Variants in NPFFR2 observed in about 807,000 individuals in gnomAD.
The protein encoded by NPFFR2 is neuropeptide FF receptor 2, also known as G-protein coupled receptor 74.
In NPFFR2, 15 loss-of-function variants were observed where a neutral mutation model predicts 13.1. That is an observed-to-expected ratio of 1.15 (90% CI 0.77 to 1.76). NPFFR2 has a LOEUF of 1.76. NPFFR2 is among the 40% of genes most tolerant of loss of function. The pLI is 0.00. For synonymous variants in NPFFR2, 190 were observed against 175.7 expected, an observed-to-expected ratio of 1.08 and a Z score of -0.65; for missense variants, 572 against 503.5, an observed-to-expected ratio of 1.14 and a Z score of -1.30.
intron 3 of NPFFR2, 104 bp downstream of exon 3, chr4:72,138,243 G>A (rs1000662406): frequency 9.8e-6 from 7 of 711,386 alleles, no homozygotes; most frequent in Non-Finnish European, 1.7e-5. Context: ...TTTTCAAATT[G>A]TATTCACAAT....
At chr4:72,064,570 T>C (rs1383764574) in intron 1 of NPFFR2, among the ~76,000 whole-genome samples, 1 of 152,144 alleles carries the variant, frequency 6.6e-6, no homozygotes, top group Non-Finnish European at 1.5e-5. Flanking sequence ...CAACCCACTC[T>C]TAAGGAAGTG....
intron 1 of NPFFR2, among the ~76,000 whole-genome samples, chr4:72,085,585 T>G (rs373422270): frequency 2.6e-4 from 40 of 152,296 alleles, no homozygotes; most frequent in African/African-American, 9.1e-4. Flanking sequence ...CCTAGGCAAA[T>G]GGTATTCTAC....
At chr4:72,142,857 T>C (rs1424854456) in intron 3 of NPFFR2, among the ~76,000 whole-genome samples, 4 of 152,208 alleles carry the variant, frequency 2.6e-5, no homozygotes, top group Non-Finnish European at 4.4e-5. Flanking sequence ...TGGTAACATC[T>C]AAAACAAATT....
At position 72,147,458 on chromosome 4, in the gene NPFFR2, T is replaced by G. The variant is rs757930202; in HGVS notation, c.909T>G (p.Ser303=). 1.9e-6 allele frequency: 3 copies of G among 1,614,158 alleles called. No homozygotes were observed. Among genetic ancestry groups the G allele is most frequent in the Non-Finnish European group, 8.5e-7 (1 of 1,180,022 alleles). Residue 303 remains serine, a synonymous_variant, in exon 4 of 4, where the codon TCT becomes TCG. Transcript: ENST00000308744. ...LMMLSDYADL[S]PNELQIINIY... is the part of the protein sequence containing the mutation. ...TGCTCTCAGACTACGCTGACCTTTC[T>G]CCAAATGAACTGCAGATCATCAACA...
intron 1 of NPFFR2, among the ~76,000 whole-genome samples, chr4:72,090,117 G>A (rs1000453084): frequency 1.3e-4 from 19 of 151,936 alleles, no homozygotes; most frequent in Non-Finnish European, 2.4e-4. Context: ...TTGCTTTGTC[G>A]AAGACCAGTT....
intron 1 of NPFFR2, among the ~76,000 whole-genome samples, chr4:72,048,896 G>A (rs1719462859): frequency 6.6e-6 from 1 of 151,980 alleles, no homozygotes; most frequent in African/African-American, 2.4e-5. Context: ...ACAGTGAGGG[G>A]TCAGGTTTCT....
At chr4:72,079,884 A>G (rs1392231784) in intron 1 of NPFFR2, among the ~76,000 whole-genome samples, 1 of 152,158 alleles carries the variant, frequency 6.6e-6, no homozygotes, top group Non-Finnish European at 1.5e-5. Context: ...TGATTGTCAG[A>G]TTTTACTTGT....
At chr4:72,046,611 G>T (rs1719389763) in intron 1 of NPFFR2, among the ~76,000 whole-genome samples, 1 of 152,136 alleles carries the variant, frequency 6.6e-6, no homozygotes, top group Non-Finnish European at 1.5e-5. Flanking sequence ...ATACTGAAAA[G>T]TGAGGCTGTC....
chr4:72,045,098 C>G (rs1373477129), intron 1 of NPFFR2, among the ~76,000 whole-genome samples: 5 of 152,180 alleles, frequency 3.3e-5, no homozygotes, highest in African/African-American at 1.2e-4. Flanking sequence ...TTTCTTTCTT[C>G]CACATATGGA....
At chr4:72,045,654 T>C (rs1460119203) in intron 1 of NPFFR2, among the ~76,000 whole-genome samples, 2 of 152,330 alleles carry the variant, frequency 1.3e-5, no homozygotes, top group African/African-American at 4.8e-5. Context: ...AAAACTTACA[T>C]TAGCCTACAG....
At chr4:72,042,503 A>G (rs546464014) in intron 1 of NPFFR2, among the ~76,000 whole-genome samples, 1 of 152,318 alleles carries the variant, frequency 6.6e-6, no homozygotes, top group Admixed American at 6.5e-5. Flanking sequence ...GAAGATAAGA[A>G]ATGTGGGAAA....
At chr4:72,044,661 T>G (rs1719326471) in intron 1 of NPFFR2, among the ~76,000 whole-genome samples, 1 of 152,202 alleles carries the variant, frequency 6.6e-6, no homozygotes, top group South Asian at 2.1e-4. Flanking sequence ...GTTGAGAATT[T>G]TTTTTCATGT....
Position 72,088,147 on chromosome 4 carries a change from A to C in NPFFR2, c.-7-40438A>C, listed in dbSNP as rs1720817639. On this transcript the variant is annotated intron_variant, in intron 1 of 3. Transcript: ENST00000308744. Reference sequence around the variant, plus strand: ...AGGATAATAGCGACTTAAAATAGACATTAACAAAAAGGCTTATCTCAGAAG... The same window carrying C: ...AGGATAATAGCGACTTAAAATAGACCTTAACAAAAAGGCTTATCTCAGAAG... Among the ~76,000 whole-genome samples, 4 of 152,108 alleles carry C rather than the reference A, an allele frequency of 2.6e-5. 2 individuals are homozygous for C. The South Asian group carries it at 8.3e-4, about 31-fold the overall frequency.
At chr4:72,089,497 G>A (rs568248259) in intron 1 of NPFFR2, among the ~76,000 whole-genome samples, 1 of 152,154 alleles carries the variant, frequency 6.6e-6, no homozygotes, top group South Asian at 2.1e-4. Context: ...ATTATTTTTT[G>A]ATATTTTGAT....
intron 1 of NPFFR2, among the ~76,000 whole-genome samples, chr4:72,053,860 C>G (rs545587654): frequency 6.6e-6 from 1 of 151,840 alleles, no homozygotes; most frequent in East Asian, 1.9e-4. Context: ...TCTAAGAGCA[C>G]AGTATTCAAT....
At chr4:72,102,024 G>A (rs567937391) in intron 1 of NPFFR2, among the ~76,000 whole-genome samples, 1 of 152,172 alleles carries the variant, frequency 6.6e-6, no homozygotes, top group South Asian at 2.1e-4. Flanking sequence ...ATTTCCTTGG[G>A]ACTAATTAAT....
At chr4:72,100,009 TTAA>T (rs1341445227) in intron 1 of NPFFR2, among the ~76,000 whole-genome samples, 1 of 152,176 alleles carries the variant, frequency 6.6e-6, no homozygotes, top group African/African-American at 2.4e-5. Context: ...ATTTTGTACA[TTAA>T]TGTTTAAATT....
Position 72,146,732 on chromosome 4 carries a change from G to A in NPFFR2, c.429-246G>A, listed in dbSNP as rs909388096. The A allele has an allele frequency of 1.4e-5, 6 of 429,150 alleles. No individual in the cohort carries two copies. The South Asian group carries it at 3.3e-4, about 24-fold the overall frequency. 26.6% of individuals were successfully genotyped at this position (429,150 alleles called of 1,614,324 possible). A position where few individuals can be genotyped will look rare whatever the true frequency, so the allele number is the denominator to read the frequency against. On this transcript the variant is annotated intron_variant, in intron 3 of 3. Coordinates refer to ENST00000308744, the MANE Select transcript of NPFFR2 (RefSeq NM_004885.3). ...GTCTGAAACGGTTTTAGGCATTCAT[G>A]TTCATTATTACTTTTTATTATTAAT...
Position 72,032,210 on chromosome 4 carries a change from T to C in NPFFR2, c.-8+10T>C, listed in dbSNP as rs541351713. ...GGGCTCGCCGGGAGAGGTAACAGCA[T>C]GGGCCAGTTTGTCTGGGGGCCCCCG... On this transcript the variant is annotated intron_variant, in intron 1 of 3. Coordinates refer to ENST00000308744, the MANE Select transcript of NPFFR2 (RefSeq NM_004885.3). 1 of 1,590,974 alleles carries C rather than the reference T, an allele frequency of 6.3e-7. No individual in the cohort carries two copies. Among genetic ancestry groups the C allele is most frequent in the Non-Finnish European group, 8.6e-7 (1 of 1,166,670 alleles).
Sources: allele counts gnomAD v4.1 joint callset (sites outside exome capture counted in the v4.1 genomes callset), GRCh38; gene constraint gnomAD v4.1.1; transcripts MANE v1.5; gene names NCBI Gene and HGNC (gene_info 2026-07-23, HGNC 2026-07-21).